Variants in FHIT observed in about 807,000 individuals in gnomAD.
FHIT encodes the protein fragile histidine triad diadenosine triphosphatase, also known as bis(5'-adenosyl)-triphosphatase.
In FHIT, 19 loss-of-function variants were observed where a neutral mutation model predicts 17.9. The observed-to-expected ratio is 1.06, with a 90% CI of 0.74 to 1.56. The LOEUF (loss-of-function observed/expected upper bound fraction) is 1.56. FHIT is among the 40% of genes most tolerant of loss of function. The probability of loss-of-function intolerance (pLI) is 0.00; values close to 1 mark genes in which losing one functional copy is unlikely to be tolerated. For synonymous variants in FHIT, 81 were observed against 69.7 expected, an observed-to-expected ratio of 1.16 and a Z score of -0.81; for missense variants, 248 against 189.2, an observed-to-expected ratio of 1.31 and a Z score of -1.82.
At chr3:60,912,870 T>C (rs1247930702) in intron 3 of FHIT, 3 of 471,214 alleles carry the variant, frequency 6.4e-6, no homozygotes, top group African/African-American at 5.9e-5. Context: ...TTTGAGTCAC[T>C]CATCACTGGG....
chr3:60,100,186 C>A (rs1704131922), intron 5 of FHIT, among the ~76,000 whole-genome samples: 1 of 152,074 alleles, frequency 6.6e-6, no homozygotes, highest in South Asian at 2.1e-4. Flanking sequence ...CGAGACCAGC[C>A]TGACCCCCGT....
chr3:59,922,498 A>G, intron 7 of FHIT, 84 bp from the exon 8 acceptor site: 1 of 1,125,280 alleles, frequency 8.9e-7, no homozygotes, highest in South Asian at 1.3e-5. Flanking sequence ...ATGAAGCCCA[A>G]TTACTCCACG....
chr3:59,991,501 C>T (rs1361758793), intron 7 of FHIT, among the ~76,000 whole-genome samples: 1 of 152,016 alleles, frequency 6.6e-6, no homozygotes, highest in African/African-American at 2.4e-5. Context: ...TCTAATTTCA[C>T]TTGTCTCACC....
intron 5 of FHIT, among the ~76,000 whole-genome samples, chr3:60,123,539 T>G (rs1705354076): frequency 1.3e-5 from 2 of 152,190 alleles, no homozygotes. Flanking sequence ...ATACTCTGAT[T>G]CATTAAACAT....
At chr3:60,477,942 C>A (rs2033427781) in intron 5 of FHIT, among the ~76,000 whole-genome samples, 1 of 152,132 alleles carries the variant, frequency 6.6e-6, no homozygotes, top group African/African-American at 2.4e-5. Context: ...GCTTGCTCAC[C>A]CCTGGAAGGA....
chr3:60,634,392 C>T (rs1424239414), intron 4 of FHIT, among the ~76,000 whole-genome samples: 3 of 152,132 alleles, frequency 2.0e-5, no homozygotes, highest in Admixed American at 2.0e-4. Flanking sequence ...AGAAGCTGCC[C>T]GAGTAGGGCA....
chr3:60,200,835 T>C (rs929840026), intron 5 of FHIT, among the ~76,000 whole-genome samples: 8 of 152,186 alleles, frequency 5.3e-5, no homozygotes, highest in African/African-American at 1.4e-4. Context: ...GCATCTACAA[T>C]GTTGAGGCTA....
At chr3:61,195,231 C>T (rs2038822446) in intron 2 of FHIT, among the ~76,000 whole-genome samples, 1 of 151,866 alleles carries the variant, frequency 6.6e-6, no homozygotes, top group East Asian at 1.9e-4. Context: ...AAAAAATAAG[C>T]TTGTCTACTT....
In FHIT at chr3:60,415,758, A is replaced by G. The variant is rs1702224575; in HGVS notation, c.103+121102T>C. 2.0e-5 allele frequency among the ~76,000 whole-genome samples: 3 copies of G among 149,812 alleles called. No homozygotes were observed. The South Asian group carries it at 6.3e-4, about 31-fold the overall frequency. On this transcript the variant is annotated intron_variant, in intron 5 of 9. Transcript: ENST00000492590. ...AAAAAAAAAAAAAAAAGTCTCTATCATGGATTAGCTATGTGAAAGTGGGTA... is the reference window on the plus strand; with the variant it reads ...AAAAAAAAAAAAAAAAGTCTCTATCGTGGATTAGCTATGTGAAAGTGGGTA...
At chr3:60,485,882 C>T (rs1056307972) in intron 5 of FHIT, among the ~76,000 whole-genome samples, 2 of 152,004 alleles carry the variant, frequency 1.3e-5, no homozygotes, top group Non-Finnish European at 2.9e-5. Flanking sequence ...TATACAGACC[C>T]CAACCTATAA....
chr3:60,027,148 C>CACACACACAAAA (rs1553654525), intron 5 of FHIT, among the ~76,000 whole-genome samples: 17 of 125,842 alleles, frequency 1.4e-4, no homozygotes, highest in African/African-American at 4.3e-4. Context: ...CACACACACA[C>CACACACACAAAA]AAAATTAGTA....
intron 1 of FHIT, among the ~76,000 whole-genome samples, chr3:61,244,703 T>C (rs1276157340): frequency 6.6e-6 from 1 of 152,198 alleles, no homozygotes; most frequent in Non-Finnish European, 1.5e-5. Context: ...TCCTTATCTC[T>C]GAAAACAAAG....
At chr3:60,249,072 T>C (rs1224225071) in intron 5 of FHIT, among the ~76,000 whole-genome samples, 2 of 152,158 alleles carry the variant, frequency 1.3e-5, no homozygotes, top group Non-Finnish European at 2.9e-5. Context: ...CATTTCCTAA[T>C]GAGGGCTCCA....
chr3:59,838,242 G>T (rs1258074695), intron 8 of FHIT, among the ~76,000 whole-genome samples: 1 of 151,988 alleles, frequency 6.6e-6, no homozygotes, highest in African/African-American at 2.4e-5. Context: ...CAAACAACCT[G>T]CCCTCAATGC....
intron 5 of FHIT, among the ~76,000 whole-genome samples, chr3:60,146,822 G>A (rs926863770): frequency 6.6e-5 from 10 of 152,084 alleles, no homozygotes; most frequent in Admixed American, 2.0e-4. Context: ...CCATGCGTCC[G>A]CTATCCATGG....
At chr3:60,639,891 C>T (rs188194470) in intron 4 of FHIT, among the ~76,000 whole-genome samples, 1 of 152,274 alleles carries the variant, frequency 6.6e-6, no homozygotes, top group Admixed American at 6.5e-5. Context: ...TAAACAACCC[C>T]TATGTGAACC....
At chr3:61,142,535 G>A (rs2037115653) in intron 2 of FHIT, among the ~76,000 whole-genome samples, 1 of 152,130 alleles carries the variant, frequency 6.6e-6, no homozygotes, top group African/African-American at 2.4e-5. Flanking sequence ...GAGTGGGCTG[G>A]AAGTGCTCCA....
At chr3:60,717,421 G>A (rs912378466) in intron 4 of FHIT, among the ~76,000 whole-genome samples, 1 of 152,016 alleles carries the variant, frequency 6.6e-6, no homozygotes, top group Admixed American at 6.6e-5. Context: ...TTTTTACCCT[G>A]TAAATATACA....
intron 7 of FHIT, among the ~76,000 whole-genome samples, chr3:59,974,793 T>C (rs1466750314): frequency 6.6e-6 from 1 of 152,092 alleles, no homozygotes; most frequent in African/African-American, 2.4e-5. Flanking sequence ...CCTAATATTC[T>C]AAGGTTGTCG....
Sources: allele counts gnomAD v4.1 joint callset (sites outside exome capture counted in the v4.1 genomes callset), GRCh38; gene constraint gnomAD v4.1.1; transcripts MANE v1.5; gene names NCBI Gene and HGNC (gene_info 2026-07-23, HGNC 2026-07-21).